The following UBR3 variants were observed in gnomAD, a reference collection of about 807,000 sequenced individuals.
The protein encoded by UBR3 is ubiquitin protein ligase E3 component n-recognin 3, also known as E3 ubiquitin-protein ligase UBR3.
UBR3 carries 85 observed loss-of-function variants against 243.2 expected under a neutral mutation model. The ratio of observed to expected loss-of-function variants is 0.35; its 90% CI spans 0.29 to 0.42. The LOEUF is 0.42. Ranked by LOEUF, UBR3 falls within the 10% of genes least tolerant of loss-of-function variation. The probability of loss-of-function intolerance (pLI) is 1.00; values close to 1 mark genes in which losing one functional copy is unlikely to be tolerated. For synonymous variants in UBR3, 748 were observed against 799.8 expected (o/e 0.94, Z 1.09); for missense variants, 1,686 against 2,300.8 (o/e 0.73, Z 5.47).
chr2:170,055,608 A>G, intron 33 of UBR3, 24 bp downstream of exon 33: 1 of 1,610,590 alleles, frequency 6.2e-7, no homozygotes, highest in Non-Finnish European at 8.5e-7. Context: ...TAAATTTGTC[A>G]TTTAGCAGGT....
At position 170,081,743 on chromosome 2, in the gene UBR3, A is replaced by T. The variant is rs757014503; in HGVS notation, c.5567A>T (p.Tyr1856Phe). The T allele has an allele frequency of 8.1e-6, 13 of 1,605,994 alleles. No homozygotes were observed. The highest frequency in any genetic ancestry group is 1.1e-5 in the Non-Finnish European group (13 of 1,176,314). The stretch of plus-strand genomic sequence containing the variant: ...TGTTCTAGGCGAGGCAAACCTCTCT[A>T]CATTTGTAAGGAAAGATACAAAGTT... ...DRDLRRGKPL[Y>F]ICKERYKVLE... The change falls in exon 39 of 39, where the codon TAC (tyrosine) becomes TTC (phenylalanine). Residue 1856 changes from tyrosine (Y) to phenylalanine (F), a missense_variant. By Grantham distance (22) the Tyr-to-Phe change is conservative. Around this residue, in one of 8 missense-constraint regions of UBR3, gnomAD observed 89 missense variants for 183.3 expected, o/e 0.49. Coordinates refer to ENST00000272793, the MANE Select transcript of UBR3 (RefSeq NM_172070.4).
At chr2:169,856,527 C>T (rs1352133735) in intron 1 of UBR3, among the ~76,000 whole-genome samples, 4 of 152,150 alleles carry the variant, frequency 2.6e-5, no homozygotes, top group African/African-American at 9.6e-5. Flanking sequence ...CGCCACTGCA[C>T]TCCAGCCTGG....
intron 5 of UBR3, among the ~76,000 whole-genome samples, chr2:169,888,166 A>T: frequency 8.1e-6 from 1 of 122,948 alleles, no homozygotes; most frequent in Non-Finnish European, 1.7e-5. Flanking sequence ...TTTGAGATGG[A>T]GTCTCTTTGT....
chr2:170,073,217 A>G (rs572917267), intron 35 of UBR3, among the ~76,000 whole-genome samples: 7 of 152,296 alleles, frequency 4.6e-5, no homozygotes, highest in Admixed American at 3.9e-4. Context: ...TAGGAGTTAT[A>G]TTTCAAAGAG....
chr2:169,973,494 C>T (rs2088273938), intron 24 of UBR3, among the ~76,000 whole-genome samples: 1 of 152,002 alleles, frequency 6.6e-6, no homozygotes, highest in Non-Finnish European at 1.5e-5. Flanking sequence ...CTGGAGGCAT[C>T]ACACTACCTG....
intron 31 of UBR3, among the ~76,000 whole-genome samples, chr2:170,033,553 G>A (rs989942823): frequency 2.9e-5 from 4 of 136,510 alleles, no homozygotes; most frequent in Non-Finnish European, 4.6e-5. Context: ...AGGAATTTCC[G>A]GAAAATTTGA....
intron 1 of UBR3, among the ~76,000 whole-genome samples, chr2:169,835,870 C>T (rs2082067124): frequency 6.6e-6 from 1 of 151,458 alleles, no homozygotes; most frequent in Non-Finnish European, 1.5e-5. Context: ...TAGATATTAA[C>T]CTTTTGCCAT....
Position 170,081,884 on chromosome 2 carries a change from C to G in UBR3, c.*41C>G, listed in dbSNP as rs375875363. 3 of 1,329,378 alleles carry G rather than the reference C, an allele frequency of 2.3e-6. No individual in the cohort carries two copies. The highest frequency in any genetic ancestry group is 3.2e-5 in the South Asian group (2 of 62,076). The allele number at this position is 1,329,378 out of a possible 1,614,324, so 82.3% of individuals were successfully genotyped here. A position where few individuals can be genotyped will look rare whatever the true frequency, so the allele number is the denominator to read the frequency against. ...TTGCATCGTATCATCATTTTCGCTA[C>G]GAATTTATTTTTCAACAATAAGCTT... On this transcript the variant is annotated 3_prime_UTR_variant, in exon 39 of 39. Transcript: ENST00000272793.
chr2:169,914,328 T>G (rs536618948), intron 11 of UBR3, among the ~76,000 whole-genome samples, 182 bp downstream of exon 11: 2 of 152,224 alleles, frequency 1.3e-5, no homozygotes, highest in Non-Finnish European at 2.9e-5. Flanking sequence ...CTTTAGTTCT[T>G]TGACATTTAG....
intron 25 of UBR3, among the ~76,000 whole-genome samples, chr2:169,993,232 T>C (rs887845878): frequency 6.6e-6 from 1 of 152,226 alleles, no homozygotes; most frequent in Non-Finnish European, 1.5e-5. Flanking sequence ...TACATAAATG[T>C]GATATGATAT....
chr2:170,048,371 C>G (rs1332212589), intron 32 of UBR3, among the ~76,000 whole-genome samples: 2 of 152,188 alleles, frequency 1.3e-5, no homozygotes, highest in Non-Finnish European at 2.9e-5. Context: ...CAAAACCTCA[C>G]TCTGGCATCA....
chr2:169,918,252 C>T (rs2085539952), intron 11 of UBR3, among the ~76,000 whole-genome samples: 1 of 151,302 alleles, frequency 6.6e-6, no homozygotes, highest in South Asian at 2.1e-4. Flanking sequence ...CATAATTCAA[C>T]TAGCTATGTG....
intron 30 of UBR3, 111 bp downstream of exon 30, chr2:170,015,477 AT>A: frequency 1.4e-6 from 1 of 709,768 alleles, no homozygotes; most frequent in Non-Finnish European, 2.3e-6. Flanking sequence ...TATATGATCT[AT>A]TTAGATAGTG....
rs575983563 is a variant in UBR3, at chr2:169,861,555, C to T, written c.546-10681C>T. Reference sequence around the variant, plus strand: ...CTGGGATGTGGAGGTTGCAGTGAGCCGAGATCGCGCCACTGCACTCCAGCC... The same window carrying T: ...CTGGGATGTGGAGGTTGCAGTGAGCTGAGATCGCGCCACTGCACTCCAGCC... On this transcript the variant is annotated intron_variant, in intron 1 of 38. Transcript: ENST00000272793. 2.2e-4 allele frequency among the ~76,000 whole-genome samples: 33 copies of T among 148,486 alleles called. No homozygotes were observed. The East Asian group carries it at 3.9e-3, about 18-fold the overall frequency.
chr2:169,987,398 A>G (rs534261191), intron 25 of UBR3, among the ~76,000 whole-genome samples: 1 of 150,448 alleles, frequency 6.6e-6, no homozygotes, highest in Non-Finnish European at 1.5e-5. Context: ...GTCTCAAAAA[A>G]AAAAAAAAAA....
At chr2:169,969,818 G>A (rs572321721) in intron 24 of UBR3, among the ~76,000 whole-genome samples, 7 of 132,940 alleles carry the variant, frequency 5.3e-5, no homozygotes, top group Admixed American at 7.1e-5. Flanking sequence ...CAAAGTGCTG[G>A]GATTACAGGC....
At chr2:169,968,812 A>G (rs1416062459) in intron 24 of UBR3, among the ~76,000 whole-genome samples, 1 of 152,196 alleles carries the variant, frequency 6.6e-6, no homozygotes, top group East Asian at 1.9e-4. Flanking sequence ...TACTAGTAGT[A>G]TACAAGCATG....
At chr2:170,069,822 C>G (rs889322213) in intron 35 of UBR3, among the ~76,000 whole-genome samples, 6 of 151,922 alleles carry the variant, frequency 3.9e-5, no homozygotes, top group Admixed American at 1.3e-4. Flanking sequence ...TTTGTTCCCC[C>G]CCCAGATACT....
intron 5 of UBR3, among the ~76,000 whole-genome samples, chr2:169,882,958 A>G (rs1051978814): frequency 6.6e-6 from 1 of 152,170 alleles, no homozygotes; most frequent in Non-Finnish European, 1.5e-5. Context: ...GGTAGAGTTG[A>G]AATTGGGCAC....
Sources: allele counts gnomAD v4.1 joint callset (sites outside exome capture counted in the v4.1 genomes callset), GRCh38; gene constraint gnomAD v4.1.1; regional missense constraint gnomAD v4.1.1; transcripts MANE v1.5; gene names NCBI Gene and HGNC (gene_info 2026-07-23, HGNC 2026-07-21).